IGBP1C: variants seen among roughly 807,000 people sequenced by gnomAD.
IGBP1C encodes immunoglobulin-binding protein 1 family member C.
chr17:58,661,573 C>T, the IGBP1C span: 1 of 736,836 alleles, frequency 1.4e-6, no homozygotes, highest in East Asian at 2.4e-5. Context: ...GCGGCGGCGG[C>T]AGGAACTCGT....
chr17:58,679,163 G>GA, the IGBP1C span, among the ~76,000 whole-genome samples: 161 of 150,700 alleles, frequency 1.1e-3, 1 homozygote, highest in Non-Finnish European at 1.7e-3. Context: ...TCCAAGAAAA[G>GA]AAAAAAAACA....
chr17:58,670,032 T>C, the IGBP1C span, among the ~76,000 whole-genome samples: 2 of 152,182 alleles, frequency 1.3e-5, no homozygotes, highest in Non-Finnish European at 2.9e-5. Flanking sequence ...CCGCAGCCTC[T>C]TTCCAGCCTC....
At chr17:58,688,568 A>G in the IGBP1C span, among the ~76,000 whole-genome samples, 8 of 152,176 alleles carry the variant, frequency 5.3e-5, no homozygotes, top group Non-Finnish European at 5.9e-5. Context: ...TTTTTGTGTG[A>G]TAAGTACTGT....
At chr17:58,676,922 G>C in the IGBP1C span, among the ~76,000 whole-genome samples, 9 of 152,094 alleles carry the variant, frequency 5.9e-5, no homozygotes, top group Admixed American at 2.0e-4. Context: ...CCTGAGGCCA[G>C]TCTGGCCAGC....
At chr17:58,671,930 G>A in the IGBP1C span, among the ~76,000 whole-genome samples, 4 of 152,006 alleles carry the variant, frequency 2.6e-5, no homozygotes, top group East Asian at 1.9e-4. Flanking sequence ...GCAGCACAGC[G>A]TATTTCCTCT....
At chr17:58,671,567 A>G in the IGBP1C span, among the ~76,000 whole-genome samples, 3 of 152,094 alleles carry the variant, frequency 2.0e-5, no homozygotes, top group Non-Finnish European at 4.4e-5. Context: ...TCAGGCCCCA[A>G]GCTTTGTCTC....
chr17:58,683,758 A>G, the IGBP1C span, among the ~76,000 whole-genome samples: 2 of 126,026 alleles, frequency 1.6e-5, no homozygotes, highest in Non-Finnish European at 3.3e-5. Context: ...GCAAGACTCC[A>G]GCTCAAAAAA....
chr17:58,684,485 A>G, the IGBP1C span, among the ~76,000 whole-genome samples: 1 of 151,156 alleles, frequency 6.6e-6, no homozygotes, highest in East Asian at 1.9e-4. Flanking sequence ...AATTGCTTCC[A>G]TATTAGCCGG....
At chr17:58,679,377 G>A in the IGBP1C span, 4 of 152,134 alleles carry the variant, frequency 2.6e-5, no homozygotes, top group Non-Finnish European at 5.9e-5. Context: ...CCAACCACGA[G>A]GGGTGTGAGA....
chr17:58,669,733 C>CAAAAAAAA, the IGBP1C span, among the ~76,000 whole-genome samples: 2 of 56,290 alleles, frequency 3.6e-5, no homozygotes, highest in Non-Finnish European at 3.5e-5. Context: ...GACTCCGTCT[C>CAAAAAAAA]AAAAAAAAAA....
At chr17:58,688,059 C>A in the IGBP1C span, among the ~76,000 whole-genome samples, 2 of 152,126 alleles carry the variant, frequency 1.3e-5, no homozygotes, top group African/African-American at 2.4e-5. Flanking sequence ...TGGATCAAGT[C>A]AAAGAAAATA....
chr17:58,675,819 G>A, the IGBP1C span, among the ~76,000 whole-genome samples: 1 of 152,216 alleles, frequency 6.6e-6, no homozygotes, highest in Non-Finnish European at 1.5e-5. Context: ...AATTTTTAGA[G>A]ACAGGTTCTT....
At chr17:58,681,182 C>T in the IGBP1C span, among the ~76,000 whole-genome samples, 5 of 152,104 alleles carry the variant, frequency 3.3e-5, no homozygotes, top group Admixed American at 2.6e-4. Context: ...ACAGGAGAAT[C>T]GCCTGAACCC....
chr17:58,666,502 A>G, the IGBP1C span: 1 of 149,538 alleles, frequency 6.7e-6, no homozygotes, highest in Non-Finnish European at 1.5e-5. Flanking sequence ...AAGCTAATAC[A>G]CAACTAACAA....
chr17:58,665,177 AG>A, the IGBP1C span, among the ~76,000 whole-genome samples: 1 of 152,046 alleles, frequency 6.6e-6, no homozygotes, highest in South Asian at 2.1e-4. Flanking sequence ...ATATTTATAG[AG>A]ATAGGGTCTC....
chr17:58,669,883 C>A, the IGBP1C span, among the ~76,000 whole-genome samples: 409 of 152,258 alleles, frequency 2.7e-3, 1 homozygote, highest in African/African-American at 9.5e-3. Context: ...TGCCCAAAGC[C>A]CTTCAATACT....
At chr17:58,674,380 G>A in the IGBP1C span, among the ~76,000 whole-genome samples, 1 of 152,010 alleles carries the variant, frequency 6.6e-6, no homozygotes, top group Non-Finnish European at 1.5e-5. Flanking sequence ...TATTTATGAT[G>A]AAAGTCCGGC....
chr17:58,688,637 T>G, the IGBP1C span, among the ~76,000 whole-genome samples: 1 of 152,158 alleles, frequency 6.6e-6, no homozygotes, highest in Admixed American at 6.6e-5. Flanking sequence ...TACTTGCAGG[T>G]GAGGAGACTG....
the IGBP1C span, among the ~76,000 whole-genome samples, chr17:58,667,485 A>G: frequency 1.5e-4 from 23 of 152,332 alleles, no homozygotes; most frequent in African/African-American, 4.8e-4. Context: ...AACAGCTAAC[A>G]TCTACTGTTT....
Sources: allele counts gnomAD v4.1 joint callset (sites outside exome capture counted in the v4.1 genomes callset), GRCh38; gene constraint gnomAD v4.1.1; transcripts MANE v1.5; gene names NCBI Gene and HGNC (gene_info 2026-07-23, HGNC 2026-07-21).